Variants in VWA5B2 observed in about 807,000 individuals in gnomAD.
VWA5B2 encodes the protein von Willebrand factor A domain-containing protein 5B2.
VWA5B2 carries 93 observed loss-of-function variants against 118.5 expected under a neutral mutation model. That is an observed-to-expected ratio of 0.79 (90% CI 0.66 to 0.93). The LOEUF (loss-of-function observed/expected upper bound fraction) is 0.93. Among genes scored for constraint, VWA5B2 ranks in the 40% least tolerant of loss-of-function variants. The probability of loss-of-function intolerance (pLI) is 0.00; values close to 1 mark genes in which losing one functional copy is unlikely to be tolerated. For missense variants in VWA5B2, 1,546 were observed against 1,672.8 expected, an observed-to-expected ratio of 0.92 and a Z score of 1.32; for synonymous variants, 708 against 716.3, an observed-to-expected ratio of 0.99 and a Z score of 0.19.
Position 184,241,044 on chromosome 3 carries a change from A to G in VWA5B2, c.2899A>G (p.Thr967Ala), listed in dbSNP as rs766008490. The change falls in exon 18 of 20, where the codon ACC becomes GCC. Residue 967 changes from threonine to alanine, a missense_variant. Coordinates refer to ENST00000691901, the MANE Select transcript of VWA5B2 (RefSeq NM_001390846.1). The surrounding 1 kb of genome is among the most constrained non-coding windows in gnomAD (Gnocchi z 5.1). ...TGCAGAGCCCGCTGAGCCCCCAGGA[A>G]CCCCTCCTGCCTCTCACAGCCATCT... ...CSSEPAEPPG[T>A]PPASHSHLDA... is the part of the protein sequence containing the mutation. 6.5e-7 allele frequency: 1 copy of G among 1,549,604 alleles called. No homozygotes were observed. The highest frequency in any genetic ancestry group is 2.0e-5 in the Admixed American group (1 of 50,672).
intron 3 of VWA5B2, among the ~76,000 whole-genome samples, chr3:184,231,614 T>C (rs1356510696): frequency 6.6e-6 from 1 of 152,232 alleles, no homozygotes; most frequent in African/African-American, 2.4e-5. Flanking sequence ...GATCTGCCTG[T>C]CTGTCTCCCC....
intron 3 of VWA5B2, among the ~76,000 whole-genome samples, chr3:184,232,123 C>G (rs1412403344): frequency 2.0e-5 from 3 of 152,066 alleles, no homozygotes; most frequent in Non-Finnish European, 4.4e-5. Context: ...CAGGCTTCTT[C>G]CTGTTATGGG....
In VWA5B2 at chr3:184,241,460, C is replaced by A; in HGVS notation, c.3181-30C>A. The A allele has an allele frequency of 6.4e-7, 1 of 1,554,610 alleles. No individual in the cohort carries two copies. ...GCCGGGGCCGGGCGCTGTTTCAGCTCGCTTCTCCCCCCACCTCCTCTCTCC... is the reference window on the plus strand; with the variant it reads ...GCCGGGGCCGGGCGCTGTTTCAGCTAGCTTCTCCCCCCACCTCCTCTCTCC... On this transcript the variant is annotated intron_variant, in intron 19 of 19. Coordinates refer to ENST00000691901, the MANE Select transcript of VWA5B2 (RefSeq NM_001390846.1). The surrounding 1 kb of genome is among the most constrained non-coding windows in gnomAD (Gnocchi z 5.1).
Position 184,236,768 on chromosome 3 carries a change from C to G in VWA5B2, c.1533+19C>G, listed in dbSNP as rs929359842. ...GCCCATGGTGAGCTTGAGCCTGGGC[C>G]CTGTTCCCTACACCTGGAAGTTTTT... On this transcript the variant is annotated intron_variant, in intron 11 of 19. Transcript: ENST00000691901. 4 of 1,489,374 alleles carry G rather than the reference C, an allele frequency of 2.7e-6. No individual in the cohort carries two copies. Among genetic ancestry groups the G allele is most frequent in the Admixed American group, 2.5e-5 (1 of 40,698 alleles). The allele number at this position is 1,489,374 out of a possible 1,614,324, so 92.3% of individuals were successfully genotyped here.
In VWA5B2 at chr3:184,237,431, T is replaced by A; in HGVS notation, c.1719+20T>A. 1 of 1,536,262 alleles carries A rather than the reference T, an allele frequency of 6.5e-7. No individual in the cohort carries two copies. The highest frequency in any genetic ancestry group is 8.8e-7 in the Non-Finnish European group (1 of 1,136,536). Reference sequence around the variant, plus strand: ...CCAGGGGTAAGCTTGGGCTGGGGTGTGGTAGGGGGGCTAGGGTGAGGTAGG... The same window carrying A: ...CCAGGGGTAAGCTTGGGCTGGGGTGAGGTAGGGGGGCTAGGGTGAGGTAGG... On this transcript the variant is annotated intron_variant, in intron 12 of 19. Transcript: ENST00000691901. This position sits in a 1 kb window ranked among gnomAD's most constrained non-coding sequence, Gnocchi z 5.6.
chr3:184,240,102 T>G (rs887634714), intron 16 of VWA5B2, 66 bp downstream of exon 16: 22 of 1,288,138 alleles, frequency 1.7e-5, no homozygotes, highest in Non-Finnish European at 2.3e-5. Context: ...GGTAGAGGTC[T>G]GTGTGTTTGA....
rs1419907440 is a variant in VWA5B2, at chr3:184,230,444, T to G, written c.-85T>G. On this transcript the variant is annotated 5_prime_UTR_variant, in exon 2 of 20. Transcript: ENST00000691901. ...GGGTGCTGGAGTGAGACTCTCGCGC[T>G]GGCCTCTGGAGCGCGGGGTGGGCGT... 7.5e-7 allele frequency: 1 copy of G among 1,339,638 alleles called. No individual in the cohort carries two copies. The highest frequency in any genetic ancestry group is 1.6e-5 in the African/African-American group (1 of 64,212). 83.0% of individuals were successfully genotyped at this position (1,339,638 alleles called of 1,614,324 possible). A position where few individuals can be genotyped will look rare whatever the true frequency, so the allele number is the denominator to read the frequency against.
rs372328431 is a variant in VWA5B2 at position 184,238,471 on chromosome 3, C to A, written c.1888C>A (p.Gln630Lys). 42 of 1,544,422 alleles carry A rather than the reference C, an allele frequency of 2.7e-5. No individual in the cohort carries two copies. The highest frequency in any genetic ancestry group is 3.6e-5 in the Non-Finnish European group (41 of 1,141,872). Reference protein sequence around the residue: ...SSPWAARDSEQSTDALTDPVT... With the variant: ...SSPWAARDSEKSTDALTDPVT... ...CCCATGGGCTGCCAGGGACTCGGAG[C>A]AGAGTGAGTGCCCAGGTGTATGTGT... Residue 630 changes from glutamine to lysine, a missense_variant, in exon 13 of 20, where the codon CAG becomes AAG. This residue lies in a region of VWA5B2 where 775 missense variants were observed against 882.3 expected (regional missense o/e 0.88). Transcript: ENST00000691901. The surrounding 1 kb of genome is among the most constrained non-coding windows in gnomAD (Gnocchi z 5.0).
At position 184,239,562 on chromosome 3, in the gene VWA5B2, G is replaced by C; in HGVS notation, c.2371G>C (p.Gly791Arg). 6.5e-7 allele frequency: 1 copy of C among 1,532,418 alleles called. No homozygotes were observed. The highest frequency in any genetic ancestry group is 2.5e-5 in the East Asian group (1 of 40,360). 94.9% of individuals were successfully genotyped at this position (1,532,418 alleles called of 1,614,324 possible). The change falls in exon 15 of 20, where the codon GGA becomes CGA. Residue 791 changes from glycine to arginine, a missense_variant. Physicochemically the swap from Gly to Arg is moderately radical, Grantham distance 125. This residue lies in a region of VWA5B2 where 763 missense variants were observed against 766.6 expected (regional missense o/e 1.00). Transcript: ENST00000691901. This position sits in a 1 kb window ranked among gnomAD's most constrained non-coding sequence, Gnocchi z 5.1. ...AAGTCCTGAGCCAGGCCAACAGTTG[G>C]GACAAGGCCTGGATGACTCAGGTAA... ...GPSPEPGQQL[G>R]QGLDDSGNLL...
At chr3:184,240,141 A>C in intron 16 of VWA5B2, 105 bp downstream of exon 16, 2 of 916,794 alleles carry the variant, frequency 2.2e-6, no homozygotes, top group East Asian at 2.7e-5. Flanking sequence ...TTTGATCACA[A>C]AGGATTTGAG....
Position 184,236,626 on chromosome 3 carries a change from T to C in VWA5B2, c.1422-12T>C. On this transcript the variant is annotated splice_polypyrimidine_tract_variant and intron_variant, in intron 10 of 19. Transcript: ENST00000691901. ...CTCCTGAAGATCACAGCTGCTTCCTTTCCTTCATCAGATGCTTCTCCTTTG... is the reference window on the plus strand; with the variant it reads ...CTCCTGAAGATCACAGCTGCTTCCTCTCCTTCATCAGATGCTTCTCCTTTG... 6.5e-7 allele frequency: 1 copy of C among 1,550,240 alleles called. No individual in the cohort carries two copies. Among genetic ancestry groups the C allele is most frequent in the Non-Finnish European group, 8.7e-7 (1 of 1,145,970 alleles).
chr3:184,240,691 G>T, intron 16 of VWA5B2, 100 bp from the exon 17 acceptor site: 1 of 1,466,608 alleles, frequency 6.8e-7, no homozygotes, highest in South Asian at 1.3e-5. Flanking sequence ...TGTTAAAGTC[G>T]ATAGAGGGAG....
In VWA5B2 at chr3:184,242,137, G is replaced by A; in HGVS notation, c.*99G>A. 1.4e-6 allele frequency: 2 copies of A among 1,409,798 alleles called. No individual in the cohort carries two copies. The highest frequency in any genetic ancestry group is 1.9e-6 in the Non-Finnish European group (2 of 1,045,992). 87.3% of individuals were successfully genotyped at this position (1,409,798 alleles called of 1,614,324 possible). A position where few individuals can be genotyped will look rare whatever the true frequency, so the allele number is the denominator to read the frequency against. On this transcript the variant is annotated 3_prime_UTR_variant, in exon 20 of 20. Transcript: ENST00000691901. ...TGGTGCTGGGAAAGTGTAGGCTGGT[G>A]CCAGCCTGTCCCCCACTGCTTCTTA...
rs768368368 is a variant in VWA5B2, at chr3:184,236,685, G to C, written c.1469G>C (p.Gly490Ala). The change falls in exon 11 of 20, where the codon GGT becomes GCT. Residue 490 changes from glycine to alanine, a missense_variant. Around this residue, in one of 3 missense-constraint regions of VWA5B2, gnomAD observed 775 missense variants for 882.3 expected, o/e 0.88. Transcript: ENST00000691901. ...LGPTCHQLLQ[G>A]LSALSRGQAY... is the part of the protein sequence containing the mutation. Reference sequence around the variant, plus strand: ...CCCACCTGCCACCAGCTGCTCCAGGGTTTATCTGCCCTCAGCAGAGGCCAG... The same window carrying C: ...CCCACCTGCCACCAGCTGCTCCAGGCTTTATCTGCCCTCAGCAGAGGCCAG... 8 of 1,551,250 alleles carry C rather than the reference G, an allele frequency of 5.2e-6. No homozygotes were observed. The East Asian group carries it at 2.0e-4, about 38-fold the overall frequency.
rs1332919006 is a variant in VWA5B2 at position 184,240,749 on chromosome 3, G to A, written c.2741-42G>A. The A allele has an allele frequency of 5.2e-6, 8 of 1,545,840 alleles. No homozygotes were observed. In the Admixed American group the frequency reaches 5.9e-5, roughly 11 times the overall value. On this transcript the variant is annotated intron_variant, in intron 16 of 19. Coordinates refer to ENST00000691901, the MANE Select transcript of VWA5B2 (RefSeq NM_001390846.1). ...TTTTTCTATGAGCCCTCTGTAGAGG[G>A]TGGGTGGTGGGGGCTCCACAGACTG... is the stretch of plus-strand genomic sequence containing the variant.
intron 1 of VWA5B2, 59 bp from the exon 2 acceptor site, chr3:184,230,321 G>A: frequency 1.9e-6 from 1 of 525,656 alleles, no homozygotes; most frequent in Non-Finnish European, 3.1e-6. Flanking sequence ...GCGTGAGGAT[G>A]CCCTCCTCGC....
Position 184,235,297 on chromosome 3 carries a change from G to C in VWA5B2, c.1090G>C (p.Val364Leu). ...ELLFLLDSSS[V>L]AHKDAIVLAV... ...ACTCTTCCTTTTGGATAGCAGCAGC[G>C]TGGCACACAAGGCCCGTGGGGGTGT... Residue 364 changes from valine (V) to leucine (L), a missense_variant, in exon 8 of 20, where the codon GTG becomes CTG. By Grantham distance (32) the Val-to-Leu change is conservative (BLOSUM62 1). Transcript: ENST00000691901. The C allele has an allele frequency of 1.3e-6, 2 of 1,551,528 alleles. No individual in the cohort carries two copies. The highest frequency in any genetic ancestry group is 8.7e-7 in the Non-Finnish European group (1 of 1,146,910).
chr3:184,235,254 G>A lies in VWA5B2; in HGVS notation c.1047G>A (p.Gly349=). ...PDLSSKPGHL[G]TATRELLFLL... The stretch of plus-strand genomic sequence containing the variant: ...TGAGCTCCAAGCCCGGACACCTGGG[G>A]ACAGCTACTCGGGAGCTACTCTTCC... Residue 349 remains glycine, a synonymous_variant, in exon 8 of 20, where the codon GGG becomes GGA. Coordinates refer to ENST00000691901, the MANE Select transcript of VWA5B2 (RefSeq NM_001390846.1). 2 of 1,551,634 alleles carry A rather than the reference G, an allele frequency of 1.3e-6. No homozygotes were observed. Among genetic ancestry groups the A allele is most frequent in the Non-Finnish European group, 1.7e-6 (2 of 1,146,950 alleles).
chr3:184,239,019 A>G lies in VWA5B2; in HGVS notation c.2202+146A>G. The G allele has an allele frequency of 5.4e-6, 5 of 924,414 alleles. No homozygotes were observed. The highest frequency in any genetic ancestry group is 8.0e-6 in the Non-Finnish European group (5 of 628,248). 57.3% of individuals were successfully genotyped at this position (924,414 alleles called of 1,614,324 possible). A position where few individuals can be genotyped will look rare whatever the true frequency, so the allele number is the denominator to read the frequency against. On this transcript the variant is annotated intron_variant, in intron 14 of 19. Coordinates refer to ENST00000691901, the MANE Select transcript of VWA5B2 (RefSeq NM_001390846.1). The surrounding 1 kb of genome is among the most constrained non-coding windows in gnomAD (Gnocchi z 5.1). ...TCCCCAACGATACCATGTAACAACCAGTGATGAGCACAAGGACATGTATTA... is the reference window on the plus strand; with the variant it reads ...TCCCCAACGATACCATGTAACAACCGGTGATGAGCACAAGGACATGTATTA...
Sources: allele counts gnomAD v4.1 joint callset (sites outside exome capture counted in the v4.1 genomes callset), GRCh38; gene constraint gnomAD v4.1.1; regional missense constraint gnomAD v4.1.1; non-coding constraint Gnocchi (gnomAD v3.1); transcripts MANE v1.5; gene names NCBI Gene and HGNC (gene_info 2026-07-23, HGNC 2026-07-21).